Variants in PNPLA5 observed in about 807,000 individuals in gnomAD.
PNPLA5 encodes patatin like domain 5, triacylglycerol lipase, also known as patatin-like phospholipase domain-containing protein 5.
In PNPLA5, 44 loss-of-function variants were observed where a neutral mutation model predicts 49.1. The ratio of observed to expected loss-of-function variants is 0.90; its 90% CI spans 0.70 to 1.15. The LOEUF is 1.15. PNPLA5 is among the 50% of genes most tolerant of loss of function. The probability of loss-of-function intolerance (pLI) is 0.00; values close to 1 mark genes in which losing one functional copy is unlikely to be tolerated. For synonymous variants in PNPLA5, 243 were observed against 244.4 expected (o/e 0.99, Z 0.06); for missense variants, 603 against 564.0 (o/e 1.07, Z -0.70).
Position 43,891,265 on chromosome 22 carries a change from C to G in PNPLA5, c.223G>C (p.Val75Leu). The G allele has an allele frequency of 6.4e-7, 1 of 1,558,794 alleles. No individual in the cohort carries two copies. The highest frequency in any genetic ancestry group is 8.7e-7 in the Non-Finnish European group (1 of 1,151,772). The change falls in exon 2 of 9, where the codon GTT becomes CTT. Residue 75 changes from valine (V) to leucine (L), a missense_variant. By Grantham distance (32) the Val-to-Leu change is conservative. Transcript: ENST00000216177. ...DFCCSHLLGM[V>L]GQLERLSLSI... ...AGGCTCAGCCGCTCCAACTGCCCAA[C>G]CATGCCCAGGAGGTGGGAGCAGCAG... is the stretch of plus-strand genomic sequence containing the variant.
At chr22:43,883,796 G>C (rs1365179121) in intron 7 of PNPLA5, among the ~76,000 whole-genome samples, 1 of 149,866 alleles carries the variant, frequency 6.7e-6, no homozygotes, top group Admixed American at 6.7e-5. Flanking sequence ...GGGCAATAGA[G>C]TGAGACTCTG....
rs1489469573 is a variant in PNPLA5, at chr22:43,886,495, CAG to C, written c.764-9_764-8del. The C allele has an allele frequency of 6.8e-6, 11 of 1,608,308 alleles. No homozygotes were observed. The highest frequency in any genetic ancestry group is 9.3e-6 in the Non-Finnish European group (11 of 1,177,548). On this transcript the variant is annotated splice_region_variant and splice_polypyrimidine_tract_variant and intron_variant, in intron 5 of 8. Coordinates refer to ENST00000216177, the MANE Select transcript of PNPLA5 (RefSeq NM_138814.4). ...ACTGGTTCCTTGGTGAGTCCTGGGT[CAG>C]GGGAAGGGAGAGGATAAGTCAAGCA...
chr22:43,891,923 C>G lies in PNPLA5; in HGVS notation c.-43G>C. 6.7e-7 allele frequency: 1 copy of G among 1,487,278 alleles called. No individual in the cohort carries two copies. The highest frequency in any genetic ancestry group is 1.3e-5 in the South Asian group (1 of 76,714). 92.1% of individuals were successfully genotyped at this position (1,487,278 alleles called of 1,614,324 possible). On this transcript the variant is annotated 5_prime_UTR_variant, in exon 1 of 9. Coordinates refer to ENST00000216177, the MANE Select transcript of PNPLA5 (RefSeq NM_138814.4). Reference sequence around the variant, plus strand: ...GGGTGATCGGGACGAGGAAGGGTCACTCCGTGACCCGGGATAGGGCCGGGA... The same window carrying G: ...GGGTGATCGGGACGAGGAAGGGTCAGTCCGTGACCCGGGATAGGGCCGGGA...
chr22:43,886,404 T>G lies in PNPLA5; in HGVS notation c.848A>C (p.Asp283Ala), dbSNP rs1174772533. 8.7e-6 allele frequency: 14 copies of G among 1,614,002 alleles called. No individual in the cohort carries two copies. The highest frequency in any genetic ancestry group is 2.7e-5 in the African/African-American group (2 of 74,894). ...AGACAGGCCCCCCTTCCAGCGTTGG[T>G]CACAGCCAGCATCCCAGTTTCCGTC... The part of the protein sequence containing the change: ...PADGNWDAGC[D>A]QRWKGGLSLN... The change falls in exon 6 of 9, where the codon GAC becomes GCC. Residue 283 changes from aspartate (D) to alanine (A), a missense_variant. Coordinates refer to ENST00000216177, the MANE Select transcript of PNPLA5 (RefSeq NM_138814.4).
Position 43,880,729 on chromosome 22 carries a change from C to T in PNPLA5, c.*66G>A, listed in dbSNP as rs2049600138. The stretch of plus-strand genomic sequence containing the variant: ...CTTCCCGCTGGGGCAGATGTGGGCA[C>T]ACAGGACAAAGGCCAGAGCAGGAAT... On this transcript the variant is annotated 3_prime_UTR_variant, in exon 9 of 9. Coordinates refer to ENST00000216177, the MANE Select transcript of PNPLA5 (RefSeq NM_138814.4). The T allele has an allele frequency of 8.0e-7, 1 of 1,248,218 alleles. No individual in the cohort carries two copies. The highest frequency in any genetic ancestry group is 1.0e-6 in the Non-Finnish European group (1 of 987,158). The allele number at this position is 1,248,218 out of a possible 1,614,324, so 77.3% of individuals were successfully genotyped here. A position where few individuals can be genotyped will look rare whatever the true frequency, so the allele number is the denominator to read the frequency against.
intron 7 of PNPLA5, among the ~76,000 whole-genome samples, chr22:43,882,846 CAT>C (rs571151950): frequency 6.4e-4 from 98 of 152,326 alleles, no homozygotes; most frequent in Non-Finnish European, 1.1e-3. Context: ...GGTTCACCAT[CAT>C]AGACCTTCTT....
chr22:43,887,627 C>G lies in PNPLA5; in HGVS notation c.727G>C (p.Gly243Arg). The G allele has an allele frequency of 6.2e-7, 1 of 1,608,588 alleles. No individual in the cohort carries two copies. The highest frequency in any genetic ancestry group is 8.5e-7 in the Non-Finnish European group (1 of 1,177,302). The change falls in exon 5 of 9, where the codon GGC becomes CGC. Residue 243 changes from glycine (G) to arginine (R), a missense_variant. Transcript: ENST00000216177. The part of the protein sequence containing the change: ...LEVVADNCRQ[G>R]YLDALRFLER... ...AGGAACCTCAGGGCATCCAGGTAGCCTTGTCTGCAGTTGTCGGCCACTACC... is the reference window on the plus strand; with the variant it reads ...AGGAACCTCAGGGCATCCAGGTAGCGTTGTCTGCAGTTGTCGGCCACTACC...
intron 7 of PNPLA5, among the ~76,000 whole-genome samples, chr22:43,883,048 CCTG>C (rs2049626445): frequency 6.6e-6 from 1 of 152,198 alleles, no homozygotes; most frequent in South Asian, 2.1e-4. Flanking sequence ...GGCCTCCCTT[CCTG>C]CTCCTCGAAT....
In PNPLA5 at chr22:43,884,169, C is replaced by T. The variant is rs201502425; in HGVS notation, c.1082+44G>A. 55 of 1,474,188 alleles carry T rather than the reference C, an allele frequency of 3.7e-5. No individual in the cohort carries two copies. The East Asian group carries it at 9.3e-4, about 25-fold the overall frequency. The allele number at this position is 1,474,188 out of a possible 1,614,324, so 91.3% of individuals were successfully genotyped here. A position where few individuals can be genotyped will look rare whatever the true frequency, so the allele number is the denominator to read the frequency against. On this transcript the variant is annotated intron_variant, in intron 7 of 8. Coordinates refer to ENST00000216177, the MANE Select transcript of PNPLA5 (RefSeq NM_138814.4). ...CCCTCCTGCCATGGGCACCAGTCTCCGCCACAAGCCAGGCCCTTCCCAGGC... is the reference window on the plus strand; with the variant it reads ...CCCTCCTGCCATGGGCACCAGTCTCTGCCACAAGCCAGGCCCTTCCCAGGC...
At chr22:43,883,312 T>C (rs1161708704) in intron 7 of PNPLA5, among the ~76,000 whole-genome samples, 2 of 152,210 alleles carry the variant, frequency 1.3e-5, no homozygotes, top group East Asian at 1.9e-4. Context: ...TGATAATTTG[T>C]AGGTCGTGAG....
In PNPLA5 at chr22:43,889,884, C is replaced by T. The variant is rs2049706172; in HGVS notation, c.427-20G>A. The T allele has an allele frequency of 4.3e-6, 7 of 1,612,648 alleles. No individual in the cohort carries two copies. The Admixed American group carries it at 6.7e-5, about 15-fold the overall frequency. On this transcript the variant is annotated intron_variant, in intron 2 of 8. Transcript: ENST00000216177. ...CAAGGCCTAGGAAGAGAAGAGTCAGCAGGAACACAACTGTGCATGCTTCTT... is the reference window on the plus strand; with the variant it reads ...CAAGGCCTAGGAAGAGAAGAGTCAGTAGGAACACAACTGTGCATGCTTCTT...
At position 43,891,668 on chromosome 22, in the gene PNPLA5, C is replaced by T. The variant is rs1199073419; in HGVS notation, c.193+20G>A. 1 of 1,527,562 alleles carries T rather than the reference C, an allele frequency of 6.5e-7. No homozygotes were observed. Among genetic ancestry groups the T allele is most frequent in the South Asian group, 1.2e-5 (1 of 80,730 alleles). The allele number at this position is 1,527,562 out of a possible 1,614,324, so 94.6% of individuals were successfully genotyped here. ...TTAAGCTGTCCCCGCCCCTTTTCGC[C>T]CCCGCGGTCCGGGACTCACCGACCG... On this transcript the variant is annotated intron_variant, in intron 1 of 8. Coordinates refer to ENST00000216177, the MANE Select transcript of PNPLA5 (RefSeq NM_138814.4).
chr22:43,891,729 C>T lies in PNPLA5; in HGVS notation c.152G>A (p.Gly51Glu), dbSNP rs1428946761. The T allele has an allele frequency of 2.1e-5, 32 of 1,547,706 alleles. No homozygotes were observed. The highest frequency in any genetic ancestry group is 2.8e-5 in the Non-Finnish European group (32 of 1,145,986). ...GACGATGCTGACTGCGTTGAGCGCC[C>T]CAGACGAGGAACCGTAGATGCGGCG... Reference protein sequence around the residue: ...GARRIYGSSSGALNAVSIVCG... With the variant: ...GARRIYGSSSEALNAVSIVCG... The change falls in exon 1 of 9, where the codon GGG (glycine) becomes GAG (glutamate). Residue 51 changes from glycine to glutamate, a missense_variant. Physicochemically the swap from Gly to Glu is moderately conservative, Grantham distance 98. Transcript: ENST00000216177.
chr22:43,881,762 C>G, intron 7 of PNPLA5, 88 bp from the exon 8 acceptor site: 1 of 1,522,022 alleles, frequency 6.6e-7, no homozygotes. Context: ...CAGAGCACAG[C>G]CGGGAGCCCT....
At chr22:43,889,719 T>C in intron 3 of PNPLA5, 80 bp downstream of exon 3, 1 of 1,535,464 alleles carries the variant, frequency 6.5e-7, no homozygotes, top group Non-Finnish European at 8.8e-7. Context: ...GGAGCGCTGG[T>C]TTCCTCCACC....
chr22:43,886,470 A>C lies in PNPLA5; in HGVS notation c.782T>G (p.Val261Gly). The change falls in exon 6 of 9, where the codon GTG becomes GGG. Residue 261 changes from valine to glycine, a missense_variant. Val to Gly is a moderately radical substitution (Grantham distance 109). Transcript: ENST00000216177. ...TTCCTTAGACACCAGCGTCCATAGC[A>C]CTGGTTCCTTGGTGAGTCCTGGGTC... ...LERRGLTKEPVLWTLVSKEPP... is the reference protein window; with the variant it reads ...LERRGLTKEPGLWTLVSKEPP... 1.2e-6 allele frequency: 2 copies of C among 1,613,334 alleles called. No individual in the cohort carries two copies. The highest frequency in any genetic ancestry group is 1.1e-5 in the South Asian group (1 of 90,950).
In PNPLA5 at chr22:43,891,949, T is replaced by A. The variant is rs2049731109; in HGVS notation, c.-69A>T. ...TCCGTGACCCGGGATAGGGCCGGGA[T>A]GCAGCCTTGGACGGGGCTGGGCCCA... is the stretch of plus-strand genomic sequence containing the variant. On this transcript the variant is annotated 5_prime_UTR_variant, in exon 1 of 9. Transcript: ENST00000216177. 1.9e-5 allele frequency: 27 copies of A among 1,435,848 alleles called. No individual in the cohort carries two copies. The highest frequency in any genetic ancestry group is 2.4e-5 in the Non-Finnish European group (26 of 1,082,566). The allele number at this position is 1,435,848 out of a possible 1,614,324, so 88.9% of individuals were successfully genotyped here.
At chr22:43,887,903 C>T (rs1332731611) in intron 4 of PNPLA5, among the ~76,000 whole-genome samples, 1 of 152,236 alleles carries the variant, frequency 6.6e-6, no homozygotes, top group African/African-American at 2.4e-5. Flanking sequence ...TGCATCTCCC[C>T]CCTGAGACAC....
At chr22:43,888,364 G>A (rs1267956330) in intron 4 of PNPLA5, among the ~76,000 whole-genome samples, 3 of 142,384 alleles carry the variant, frequency 2.1e-5, no homozygotes, top group South Asian at 2.3e-4. Flanking sequence ...TGTGGATGGG[G>A]CAGAGGAGTG....
Sources: gnomAD v4.1 joint callset for allele counts (sites outside exome capture counted in the v4.1 genomes callset) on GRCh38, gnomAD v4.1.1 for gene constraint, MANE v1.5 for transcripts, NCBI Gene and HGNC (gene_info 2026-07-23, HGNC 2026-07-21) for gene names.